The following SH3BP2 variants were observed in gnomAD, a reference collection of about 807,000 sequenced individuals.
SH3BP2 encodes the protein SH3 domain-binding protein 2.
SH3BP2 carries 38 observed loss-of-function variants against 56.2 expected under a neutral mutation model. The observed-to-expected ratio is 0.68, with a 90% CI of 0.52 to 0.89. The LOEUF (loss-of-function observed/expected upper bound fraction) is 0.89. Among genes scored for constraint, SH3BP2 ranks in the 40% least tolerant of loss-of-function variants. SH3BP2 has a pLI of 0.00. For synonymous variants in SH3BP2, 346 were observed against 316.7 expected, an observed-to-expected ratio of 1.09 and a Z score of -0.98; for missense variants, 748 against 762.6, an observed-to-expected ratio of 0.98 and a Z score of 0.23.
In SH3BP2 at chr4:2,833,821, C is replaced by A; in HGVS notation, c.1673C>A (p.Thr558Asn). 1 of 1,576,640 alleles carries A rather than the reference C, an allele frequency of 6.3e-7. No individual in the cohort carries two copies. Residue 558 changes from threonine (T) to asparagine (N), a missense_variant, in exon 13 of 13, where the codon ACT (threonine) becomes AAT (asparagine). Around this residue, in one of 3 missense-constraint regions of SH3BP2, gnomAD observed 635 missense variants for 615.0 expected, o/e 1.03. Coordinates refer to ENST00000503393, the MANE Select transcript of SH3BP2 (RefSeq NM_001122681.2). ...SLLLRHPYGY[T>N]GPR ...CTGCTGCGGCACCCCTACGGCTACA[C>A]TGGGCCTAGGTGATGGCAGTCCATG...
At chr4:2,813,214 C>T (rs956472683) in intron 1 of SH3BP2, among the ~76,000 whole-genome samples, 5 of 152,236 alleles carry the variant, frequency 3.3e-5, no homozygotes, top group African/African-American at 4.8e-5. Context: ...TGGAAGCCGC[C>T]CCATCTGCAC....
At chr4:2,833,264 G>A in intron 12 of SH3BP2, 2 of 630,466 alleles carry the variant, frequency 3.2e-6, no homozygotes, top group South Asian at 3.6e-5. Context: ...TGACCCTAGT[G>A]GGGATGGGCG....
rs1027711107 is a variant in SH3BP2, at chr4:2,810,603, G to C, written c.-4-10011G>C. On this transcript the variant is annotated intron_variant, in intron 1 of 12. Transcript: ENST00000503393. This position sits in a 1 kb window ranked among gnomAD's most constrained non-coding sequence, Gnocchi z 4.2. ...GAAGCTGTGCGTTGGCCACCTCATT[G>C]CCTGTGGATTCCTCCCAACCCTGGG... is the stretch of plus-strand genomic sequence containing the variant. Among the ~76,000 whole-genome samples, 4 of 151,910 alleles carry C rather than the reference G, an allele frequency of 2.6e-5. No homozygotes were observed. Among genetic ancestry groups the C allele is most frequent in the Non-Finnish European group, 5.9e-5 (4 of 67,970 alleles).
intron 1 of SH3BP2, chr4:2,812,279 G>T: frequency 1.3e-6 from 2 of 1,541,002 alleles, no homozygotes; most frequent in Non-Finnish European, 8.8e-7. Context: ...AGCACCGGCG[G>T]CCACAGGCCT....
rs1263539605 is a variant in SH3BP2 at position 2,835,005 on chromosome 4, C to G, written c.*1171C>G. 1.3e-5 allele frequency: 2 copies of G among 152,376 alleles called. No homozygotes were observed. The highest frequency in any genetic ancestry group is 2.9e-5 in the Non-Finnish European group (2 of 68,176). 9.4% of individuals were successfully genotyped at this position (152,376 alleles called of 1,614,324 possible). On this transcript the variant is annotated 3_prime_UTR_variant, in exon 13 of 13. Transcript: ENST00000503393. ...GCAATACCTGGCTCAGGCCCAGCCC[C>G]AATCCATCCCCTTACTTTCTGCCAT...
intron 2 of SH3BP2, among the ~76,000 whole-genome samples, chr4:2,821,424 G>A (rs1183677519): frequency 6.6e-6 from 1 of 152,250 alleles, no homozygotes; most frequent in Non-Finnish European, 1.5e-5. Flanking sequence ...TGGAGGAGCT[G>A]TAACTGGCTT....
At position 2,824,613 on chromosome 4, in the gene SH3BP2, G is replaced by A. The variant is rs1266285443; in HGVS notation, c.240G>A (p.Arg80=). Residue 80 remains arginine (R), a splice_region_variant and synonymous_variant, in exon 4 of 13, where the codon CGG becomes CGA. Transcript: ENST00000503393. The part of the protein sequence containing the change: ...QGAFSLSGYN[R]VMRAAEETTS... ...GTGACCCCTGGCGCTGTGCCCCCAG[G>A]GTGATGCGGGCGGCTGAGGAGACCA... The A allele has an allele frequency of 6.2e-7, 1 of 1,611,754 alleles. No homozygotes were observed. The highest frequency in any genetic ancestry group is 1.1e-5 in the South Asian group (1 of 91,042).
chr4:2,803,721 C>G (rs1008928386), intron 1 of SH3BP2, among the ~76,000 whole-genome samples: 1 of 152,184 alleles, frequency 6.6e-6, no homozygotes, highest in East Asian at 1.9e-4. Flanking sequence ...CTTCTCTTAC[C>G]TGCAACCCCA....
intron 1 of SH3BP2, chr4:2,793,581 C>T (rs1484035389): frequency 6.6e-6 from 1 of 151,684 alleles, no homozygotes; most frequent in African/African-American, 2.4e-5. Context: ...GTTTCGCACC[C>T]CTCGCGCCCC....
rs549814951 is a variant in SH3BP2 at position 2,813,530 on chromosome 4, C to T, written c.-4-7084C>T. Among the ~76,000 whole-genome samples the T allele has an allele frequency of 1.2e-3, 178 of 152,250 alleles. 3 individuals are homozygous for T. In the East Asian group the frequency reaches 0.026, roughly 22 times the overall value. ...GTATTGAGCTCAGGTGGACCCTGGTCGATTTAGTGAGCTGTGAGGTACAGC... is the reference window on the plus strand; with the variant it reads ...GTATTGAGCTCAGGTGGACCCTGGTTGATTTAGTGAGCTGTGAGGTACAGC... On this transcript the variant is annotated intron_variant, in intron 1 of 12. Transcript: ENST00000503393.
Position 2,822,957 on chromosome 4 carries a change from C to A in SH3BP2, c.159C>A (p.Ile53=). ...LLKWPLRFVI[I]HKRCVYYFKS... ...CAGGGCCCCTGCGCTTTGTCATCAT[C>A]CACAAACGCTGCGTCTACTACTTCA... The change falls in exon 3 of 13, where the codon ATC becomes ATA. Residue 53 remains isoleucine (I), a synonymous_variant. Transcript: ENST00000503393. The A allele has an allele frequency of 6.2e-7, 1 of 1,614,066 alleles. No individual in the cohort carries two copies.
Position 2,837,652 on chromosome 4 carries a change from TG to T in SH3BP2, c.*3819del, listed in dbSNP as rs1261500757. On this transcript the variant is annotated 3_prime_UTR_variant, in exon 13 of 13. Transcript: ENST00000503393. ...TCACACCAGGAACATGGGAGGGCCGTGCTTGTCTCTAGACGAGGGGAATGGG... is the reference window on the plus strand; with the variant it reads ...TCACACCAGGAACATGGGAGGGCCGTCTTGTCTCTAGACGAGGGGAATGGG... 6.6e-6 allele frequency: 1 copy of T among 152,316 alleles called. No homozygotes were observed. The highest frequency in any genetic ancestry group is 1.5e-5 in the Non-Finnish European group (1 of 68,136). 9.4% of individuals were successfully genotyped at this position (152,316 alleles called of 1,614,324 possible).
intron 1 of SH3BP2, among the ~76,000 whole-genome samples, chr4:2,815,757 A>C (rs1372630743): frequency 1.3e-5 from 2 of 152,236 alleles, no homozygotes; most frequent in African/African-American, 4.8e-5. Flanking sequence ...TGTCACCCAC[A>C]GGGTGAACAT....
chr4:2,796,880 C>T (rs948699549), intron 1 of SH3BP2, among the ~76,000 whole-genome samples: 2 of 152,218 alleles, frequency 1.3e-5, no homozygotes, highest in Non-Finnish European at 1.5e-5. Flanking sequence ...CCGAGGGAAG[C>T]GGCACAGAGC....
intron 5 of SH3BP2, chr4:2,827,025 ATGTG>A (rs1253219479): frequency 1.3e-5 from 9 of 684,510 alleles, no homozygotes; most frequent in African/African-American, 7.1e-5. Flanking sequence ...CCATGTGTGC[ATGTG>A]TGTGTCTGTC....
At position 2,831,876 on chromosome 4, in the gene SH3BP2, G is replaced by C; in HGVS notation, c.1351-47G>C. On this transcript the variant is annotated intron_variant, in intron 9 of 12. Transcript: ENST00000503393. This position sits in a 1 kb window ranked among gnomAD's most constrained non-coding sequence, Gnocchi z 4.1. The stretch of plus-strand genomic sequence containing the variant: ...GCCACCGTCCGGGGAGTGGTGGTGC[G>C]GGTGGATCACTCCGACGTTGGCACT... 6.3e-7 allele frequency: 1 copy of C among 1,597,492 alleles called. No homozygotes were observed. Among genetic ancestry groups the C allele is most frequent in the East Asian group, 2.2e-5 (1 of 44,646 alleles).
chr4:2,798,198 G>A (rs539760067), intron 1 of SH3BP2, among the ~76,000 whole-genome samples: 3 of 152,284 alleles, frequency 2.0e-5, no homozygotes, highest in African/African-American at 7.2e-5. Context: ...AAGAGCCGCC[G>A]AGCGGAGTCG....
chr4:2,811,220 T>A (rs180904933), intron 1 of SH3BP2, among the ~76,000 whole-genome samples: 1 of 152,298 alleles, frequency 6.6e-6, no homozygotes, highest in East Asian at 1.9e-4. Context: ...ACACCTAGGC[T>A]ATGGGACAGC....
intron 7 of SH3BP2, among the ~76,000 whole-genome samples, chr4:2,828,783 C>T (rs574790475): frequency 5.3e-5 from 8 of 152,340 alleles, no homozygotes; most frequent in African/African-American, 1.9e-4. Flanking sequence ...GTGGCCTCCC[C>T]ATTCCCAGTT....
Sources: gnomAD v4.1 joint callset for allele counts (sites outside exome capture counted in the v4.1 genomes callset) on GRCh38, gnomAD v4.1.1 for gene constraint, gnomAD v4.1.1 regional missense constraint, Gnocchi (gnomAD v3.1) non-coding constraint, MANE v1.5 for transcripts, NCBI Gene and HGNC (gene_info 2026-07-23, HGNC 2026-07-21) for gene names.